The following BTNL8 variants were observed in gnomAD, a reference collection of about 807,000 sequenced individuals.
BTNL8 encodes butyrophilin like 8, also known as butyrophilin-like protein 8.
Under a neutral mutation model 36.1 loss-of-function variants are expected in BTNL8, and 22 were observed. The ratio of observed to expected loss-of-function variants is 0.61; its 90% confidence interval spans 0.44 to 0.87. BTNL8 has a LOEUF of 0.87. Ranked by LOEUF, BTNL8 falls within the 40% of genes least tolerant of loss-of-function variation. The probability of loss-of-function intolerance (pLI) is 0.00; values close to 1 mark genes in which losing one functional copy is unlikely to be tolerated. For synonymous variants in BTNL8, 203 were observed against 235.6 expected, an observed-to-expected ratio of 0.86 and a Z score of 1.27; for missense variants, 526 against 616.9, an observed-to-expected ratio of 0.85 and a Z score of 1.56.
intron 3 of BTNL8, among the ~76,000 whole-genome samples, chr5:180,931,950 AT>A (rs1179310704): frequency 6.6e-6 from 1 of 152,206 alleles, no homozygotes; most frequent in East Asian, 1.9e-4. Context: ...CAGCAATCCC[AT>A]TACTAAGTAT....
intron 3 of BTNL8, among the ~76,000 whole-genome samples, chr5:180,937,722 G>A (rs1351718910): frequency 6.6e-6 from 1 of 151,990 alleles, no homozygotes; most frequent in Non-Finnish European, 1.5e-5. Flanking sequence ...CAAGAAACAT[G>A]AAAATCCAAG....
rs763079453 is a variant in BTNL8, at chr5:180,949,981, G to A, written c.940G>A (p.Ala314Thr). The A allele has an allele frequency of 1.4e-6, 2 of 1,462,266 alleles. No individual in the cohort carries two copies. Among genetic ancestry groups the A allele is most frequent in the East Asian group, 4.9e-5 (2 of 40,892 alleles). The allele number at this position is 1,462,266 out of a possible 1,614,324, so 90.6% of individuals were successfully genotyped here. ...SDLKTVTHRKAPQEVPHSEKR... is the reference protein window; with the variant it reads ...SDLKTVTHRKTPQEVPHSEKR... ...TCTGAAAACTGTAACCCATAGAAAA[G>A]CTCCCCAGGAGGTGCCTCACTCTGA... Residue 314 changes from alanine to threonine, a missense_variant, in exon 8 of 8, where the codon GCT (alanine) becomes ACT (threonine). Ala to Thr is a moderately conservative substitution (Grantham distance 58). Coordinates refer to ENST00000340184, the MANE Select transcript of BTNL8 (RefSeq NM_001040462.3).
intron 3 of BTNL8, among the ~76,000 whole-genome samples, chr5:180,936,674 C>T (rs372860142): frequency 6.6e-6 from 1 of 152,236 alleles, no homozygotes; most frequent in East Asian, 1.9e-4. Flanking sequence ...TGCCGCTTGC[C>T]GTAGTGTGCT....
chr5:180,903,981 T>C (rs1561925602), intron 1 of BTNL8, among the ~76,000 whole-genome samples: 1 of 125,580 alleles, frequency 8.0e-6, no homozygotes, highest in Non-Finnish European at 1.6e-5. Context: ...TTTGTTCTTT[T>C]GGCTTAGGAT....
chr5:180,902,177 G>A (rs1756849315), intron 1 of BTNL8, among the ~76,000 whole-genome samples: 1 of 127,924 alleles, frequency 7.8e-6, no homozygotes, highest in Non-Finnish European at 1.6e-5. Flanking sequence ...ATGGAAATGG[G>A]GATGTTTGGG....
chr5:180,950,457 G>A lies in BTNL8; in HGVS notation c.1416G>A (p.Trp472Ter), dbSNP rs1759503817. Residue 472 changes from tryptophan to a stop codon, truncating the protein, a stop_gained, in exon 8 of 8, where the codon TGG becomes TGA. Transcript: ENST00000340184. LOFTEE classifies it low-confidence loss of function (END_TRUNC). ...AGGAATCAGAGAAAGAGGCCTCTTG[G>A]CAAAGGGCCTCTGCAATCCCAGAGA... ...VTQESEKEAS[W>*]QRASAIPETS... is the part of the protein sequence containing the mutation. 5 of 1,463,610 alleles carry A rather than the reference G, an allele frequency of 3.4e-6. No individual in the cohort carries two copies. Among genetic ancestry groups the A allele is most frequent in the Non-Finnish European group, 4.7e-6 (5 of 1,059,056 alleles). 90.7% of individuals were successfully genotyped at this position (1,463,610 alleles called of 1,614,324 possible). A position where few individuals can be genotyped will look rare whatever the true frequency, so the allele number is the denominator to read the frequency against.
intron 1 of BTNL8, among the ~76,000 whole-genome samples, chr5:180,907,707 G>T (rs1392269689): frequency 6.6e-6 from 1 of 152,012 alleles, no homozygotes; most frequent in African/African-American, 2.4e-5. Flanking sequence ...TTTTGGTGTG[G>T]ATGTCCTTTC....
Position 180,947,579 on chromosome 5 carries a change from A to C in BTNL8, c.741A>C (p.Leu247=). 6.2e-7 allele frequency: 1 copy of C among 1,614,120 alleles called. No homozygotes were observed. The highest frequency in any genetic ancestry group is 8.5e-7 in the Non-Finnish European group (1 of 1,179,990). The stretch of plus-strand genomic sequence containing the variant: ...TACTGGGAATACTCTGCTGTGGCCT[A>C]TTTTTTGGCATTGTTGGACTGAAGA... ...TKVLGILCCG[L]FFGIVGLKIF... Residue 247 remains leucine (L), a synonymous_variant, in exon 4 of 8, where the codon CTA becomes CTC. Coordinates refer to ENST00000340184, the MANE Select transcript of BTNL8 (RefSeq NM_001040462.3).
chr5:180,901,205 A>T lies in BTNL8; in HGVS notation c.49+1846A>T, dbSNP rs150817642. ...CAGCAAGATTTATAAAATGTAATTA[A>T]ACTAAAAAATTAGTGCTAAAATGAA... On this transcript the variant is annotated intron_variant, in intron 1 of 7. Transcript: ENST00000340184. Among the ~76,000 whole-genome samples the T allele has an allele frequency of 2.4e-3, 373 of 152,368 alleles. 1 individual carries two copies. The highest frequency in any genetic ancestry group is 8.7e-3 in the African/African-American group (362 of 41,582).
At chr5:180,939,531 A>G (rs1758823253) in intron 3 of BTNL8, among the ~76,000 whole-genome samples, 1 of 152,226 alleles carries the variant, frequency 6.6e-6, no homozygotes, top group Non-Finnish European at 1.5e-5. Flanking sequence ...ATATGAACCC[A>G]ATACAAAAGC....
chr5:180,927,918 C>G (rs1157401381), intron 3 of BTNL8, among the ~76,000 whole-genome samples: 1 of 152,094 alleles, frequency 6.6e-6, no homozygotes, highest in Non-Finnish European at 1.5e-5. Context: ...CTCCAGGATA[C>G]TACCCAGGAG....
In BTNL8 at chr5:180,950,493, T is replaced by G. The variant is rs1215310488; in HGVS notation, c.1452T>G (p.Ser484Arg). The G allele has an allele frequency of 4.1e-6, 6 of 1,463,154 alleles. No homozygotes were observed. In the African/African-American group the frequency reaches 6.9e-5, roughly 17 times the overall value. 90.6% of individuals were successfully genotyped at this position (1,463,154 alleles called of 1,614,324 possible). A position where few individuals can be genotyped will look rare whatever the true frequency, so the allele number is the denominator to read the frequency against. ...RASAIPETSNSESSSQATTPF... is the reference protein window; with the variant it reads ...RASAIPETSNRESSSQATTPF... ...CTGCAATCCCAGAGACAAGCAACAG[T>G]GAGTCCTCCTCACAGGCAACCACGC... Residue 484 changes from serine to arginine, a missense_variant, in exon 8 of 8, where the codon AGT becomes AGG. Ser to Arg is a moderately radical substitution (Grantham distance 110). Around this residue, in one of 2 missense-constraint regions of BTNL8, gnomAD observed 176 missense variants for 292.3 expected, o/e 0.60. Coordinates refer to ENST00000340184, the MANE Select transcript of BTNL8 (RefSeq NM_001040462.3).
chr5:180,907,765 G>T (rs1178411105), intron 1 of BTNL8, among the ~76,000 whole-genome samples: 1 of 152,008 alleles, frequency 6.6e-6, no homozygotes, highest in East Asian at 1.9e-4. Flanking sequence ...CAGGTCTGTT[G>T]GAGTACCCTG....
At chr5:180,926,750 T>G (rs1758121237) in intron 3 of BTNL8, among the ~76,000 whole-genome samples, 1 of 152,224 alleles carries the variant, frequency 6.6e-6, no homozygotes, top group Non-Finnish European at 1.5e-5. Flanking sequence ...GCAAAGCCTC[T>G]GTAGCCAGAC....
At chr5:180,916,351 T>C (rs1490824565) in intron 3 of BTNL8, among the ~76,000 whole-genome samples, 1 of 151,996 alleles carries the variant, frequency 6.6e-6, no homozygotes, top group Non-Finnish European at 1.5e-5. Context: ...TAAAAGTTTA[T>C]AGCTATAAAT....
chr5:180,918,172 C>A (rs1017588415), intron 3 of BTNL8, among the ~76,000 whole-genome samples: 1 of 151,812 alleles, frequency 6.6e-6, no homozygotes, highest in Non-Finnish European at 1.5e-5. Context: ...CATATAAGAA[C>A]ACCATAAAAA....
At chr5:180,918,919 G>A (rs1386812217) in intron 3 of BTNL8, among the ~76,000 whole-genome samples, 2 of 152,186 alleles carry the variant, frequency 1.3e-5, no homozygotes, top group Non-Finnish European at 2.9e-5. Context: ...AGTCTCATAA[G>A]TGGCGACCCT....
intron 3 of BTNL8, among the ~76,000 whole-genome samples, chr5:180,942,314 AC>A (rs1759020330): frequency 6.6e-6 from 1 of 152,186 alleles, no homozygotes; most frequent in Non-Finnish European, 1.5e-5. Context: ...ATGAAAAGAT[AC>A]CCCATGTTCC....
At chr5:180,944,890 T>G (rs914199013) in intron 3 of BTNL8, among the ~76,000 whole-genome samples, 7 of 152,224 alleles carry the variant, frequency 4.6e-5, no homozygotes, top group Non-Finnish European at 1.0e-4. Context: ...AAAATGTTTA[T>G]ACTACCCAAA....
Sources: gnomAD v4.1 joint callset for allele counts (sites outside exome capture counted in the v4.1 genomes callset) on GRCh38, gnomAD v4.1.1 for gene constraint, gnomAD v4.1.1 regional missense constraint, MANE v1.5 for transcripts, NCBI Gene and HGNC (gene_info 2026-07-23, HGNC 2026-07-21) for gene names.